INO80: variants seen among roughly 807,000 people sequenced by gnomAD.
INO80 encodes the protein INO80 complex ATPase subunit.
INO80 carries 20 observed loss-of-function variants against 203.4 expected under a neutral mutation model. That is an observed-to-expected ratio of 0.10 (90% CI 0.07 to 0.14). INO80 has a LOEUF of 0.14. Among genes scored for constraint, INO80 ranks in the 10% least tolerant of loss-of-function variants. INO80 has a pLI of 1.00. For synonymous variants in INO80, 726 were observed against 685.2 expected, an observed-to-expected ratio of 1.06 and a Z score of -0.93; for missense variants, 1,419 against 1,914.4, an observed-to-expected ratio of 0.74 and a Z score of 4.83.
intron 28 of INO80, among the ~76,000 whole-genome samples, chr15:40,999,057 GAAATTAAT>G (rs2043922441): frequency 6.6e-6 from 1 of 150,466 alleles, no homozygotes; most frequent in Non-Finnish European, 1.5e-5. Flanking sequence ...ATGGCATTAA[GAAATTAAT>G]TAAAGAAAGA....
intron 10 of INO80, among the ~76,000 whole-genome samples, chr15:41,074,085 C>G (rs991061477): frequency 1.3e-5 from 2 of 152,122 alleles, no homozygotes; most frequent in Admixed American, 6.5e-5. Context: ...TTCAGTTCTA[C>G]TGAACTGTGA....
chr15:41,058,534 T>A, intron 16 of INO80, 105 bp downstream of exon 16: 2 of 1,011,876 alleles, frequency 2.0e-6, no homozygotes, highest in Non-Finnish European at 2.8e-6. Flanking sequence ...ATCTTGATTT[T>A]ATTCATATAT....
At chr15:41,046,959 C>T (rs373460485) in intron 23 of INO80, among the ~76,000 whole-genome samples, 124 of 149,038 alleles carry the variant, frequency 8.3e-4, no homozygotes, top group African/African-American at 3.0e-3. Flanking sequence ...TTTCTTGAGA[C>T]GGAGTTTTGA....
At chr15:41,083,919 T>C (rs1397780161) in intron 7 of INO80, among the ~76,000 whole-genome samples, 1 of 152,148 alleles carries the variant, frequency 6.6e-6, no homozygotes, top group East Asian at 1.9e-4. Flanking sequence ...CCATACTTTT[T>C]TAACTGTAGA....
intron 28 of INO80, among the ~76,000 whole-genome samples, chr15:41,002,395 T>G (rs2043970384): frequency 6.9e-6 from 1 of 144,084 alleles, no homozygotes; most frequent in Non-Finnish European, 1.5e-5. Context: ...CCAAGTTAAG[T>G]AAGATATTTC....
intron 19 of INO80, 21 bp from the exon 20 acceptor site, chr15:41,050,123 T>A (rs1164265809): frequency 7.0e-6 from 11 of 1,568,788 alleles, no homozygotes; most frequent in Non-Finnish European, 9.6e-6. Flanking sequence ...ATAAGAACAT[T>A]TATATTTGGA....
At chr15:41,097,826 G>A (rs564180914) in intron 1 of INO80, among the ~76,000 whole-genome samples, 6 of 151,754 alleles carry the variant, frequency 4.0e-5, no homozygotes, top group Non-Finnish European at 5.9e-5. Flanking sequence ...GGTGGCAGGC[G>A]TCTGTAATCC....
At chr15:41,115,167 C>T (rs1425004817) in intron 1 of INO80, among the ~76,000 whole-genome samples, 2 of 152,142 alleles carry the variant, frequency 1.3e-5, no homozygotes, top group Admixed American at 6.6e-5. Flanking sequence ...CAAATTCCTT[C>T]CCCCATTTCT....
In INO80 at chr15:41,015,954, A is replaced by G. The variant is rs185283922; in HGVS notation, c.3402+134T>C. ...AGTGAGACTCTGTCTCAAAAAAAAA[A>G]AAAAAGGAAAAAGAAAAAAGACAAA... On this transcript the variant is annotated intron_variant, in intron 27 of 35. Coordinates refer to ENST00000648947, the MANE Select transcript of INO80 (RefSeq NM_017553.3). The G allele has an allele frequency of 5.6e-4, 404 of 723,290 alleles. 1 individual carries two copies. In the East Asian group the frequency reaches 0.01, roughly 18 times the overall value. 44.8% of individuals were successfully genotyped at this position (723,290 alleles called of 1,614,324 possible). A position where few individuals can be genotyped will look rare whatever the true frequency, so the allele number is the denominator to read the frequency against.
intron 24 of INO80, among the ~76,000 whole-genome samples, chr15:41,030,825 C>T (rs1313215017): frequency 6.6e-6 from 1 of 152,004 alleles, no homozygotes; most frequent in African/African-American, 2.4e-5. Context: ...CAGGTGTGCG[C>T]CACACCTGGC....
chr15:41,106,436 T>C (rs1290409281), intron 1 of INO80, among the ~76,000 whole-genome samples: 2 of 147,670 alleles, frequency 1.4e-5, no homozygotes, highest in Non-Finnish European at 3.0e-5. Flanking sequence ...TAGCTGTGCA[T>C]AGTGGCACAC....
At position 41,077,058 on chromosome 15, in the gene INO80, C is replaced by T. The variant is rs539115370; in HGVS notation, c.1132-2493G>A. Among the ~76,000 whole-genome samples the T allele has an allele frequency of 1.0e-3, 157 of 152,074 alleles. 1 individual carries two copies. Among genetic ancestry groups the T allele is most frequent in the African/African-American group, 3.6e-3 (149 of 41,482 alleles). ...GAGTAGCTAGGACTACAGGTGTATG[C>T]CACCACACCCAGCTAATTTTTTGTA... On this transcript the variant is annotated intron_variant, in intron 9 of 35. Coordinates refer to ENST00000648947, the MANE Select transcript of INO80 (RefSeq NM_017553.3).
At chr15:41,046,204 TACA>T (rs1566926540) in intron 23 of INO80, among the ~76,000 whole-genome samples, 1 of 5,682 alleles carries the variant, frequency 1.8e-4, no homozygotes, top group Non-Finnish European at 3.2e-4. Context: ...TGCGTATACA[TACA>T]TATATATATA....
intron 19 of INO80, 133 bp from the exon 20 acceptor site, chr15:41,050,235 A>C (rs1427377829): frequency 8.3e-6 from 5 of 599,282 alleles, no homozygotes; most frequent in Non-Finnish European, 1.5e-5. Flanking sequence ...TATCTCTATA[A>C]ACCTGTGAAT....
At chr15:40,980,588 G>T in intron 35 of INO80, 148 bp from the exon 36 acceptor site, 1 of 630,480 alleles carries the variant, frequency 1.6e-6, no homozygotes, top group Admixed American at 2.8e-5. Flanking sequence ...TTCTTGGCAT[G>T]TTTGCTTGCT....
At chr15:41,015,121 TAA>T (rs998331970) in intron 27 of INO80, among the ~76,000 whole-genome samples, 1 of 152,116 alleles carries the variant, frequency 6.6e-6, no homozygotes. Context: ...CCTTAAAAAA[TAA>T]GTCACCACTC....
chr15:40,992,677 T>C (rs2043831523), intron 29 of INO80, among the ~76,000 whole-genome samples: 1 of 152,220 alleles, frequency 6.6e-6, no homozygotes, highest in African/African-American at 2.4e-5. Flanking sequence ...AATCTTGCTG[T>C]CTCATTTTTC....
chr15:41,009,712 C>CGGGA (rs2044105338), intron 27 of INO80, among the ~76,000 whole-genome samples: 2 of 151,934 alleles, frequency 1.3e-5, no homozygotes, highest in Admixed American at 1.3e-4. Flanking sequence ...CTCAGCCTCC[C>CGGGA]AAGTAGTTGG....
intron 24 of INO80, among the ~76,000 whole-genome samples, chr15:41,028,289 C>G (rs2044407528): frequency 6.6e-6 from 1 of 152,128 alleles, no homozygotes; most frequent in South Asian, 2.1e-4. Context: ...GCGTGCACCA[C>G]CACACCTGGC....
Sources: gnomAD v4.1 joint callset for allele counts (sites outside exome capture counted in the v4.1 genomes callset) on GRCh38, gnomAD v4.1.1 for gene constraint, MANE v1.5 for transcripts, NCBI Gene and HGNC (gene_info 2026-07-23, HGNC 2026-07-21) for gene names.